Variants in CHRM3 observed in about 807,000 individuals in gnomAD.
CHRM3 encodes the protein cholinergic receptor muscarinic 3, also known as muscarinic acetylcholine receptor M3.
CHRM3 carries 11 observed loss-of-function variants against 41.8 expected under a neutral mutation model. The ratio of observed to expected loss-of-function variants is 0.26; its 90% confidence interval spans 0.17 to 0.44. The LOEUF (loss-of-function observed/expected upper bound fraction) is 0.44. CHRM3 is among the 20% of genes least tolerant of loss of function. CHRM3 has a pLI of 1.00. For synonymous variants in CHRM3, 297 were observed against 301.4 expected, an observed-to-expected ratio of 0.99 and a Z score of 0.15; for missense variants, 571 against 745.4, an observed-to-expected ratio of 0.77 and a Z score of 2.72.
chr1:239,903,229 T>C (rs1373237480), intron 6 of CHRM3, among the ~76,000 whole-genome samples: 1 of 152,216 alleles, frequency 6.6e-6, no homozygotes, highest in African/African-American at 2.4e-5. Context: ...CAACTGACCT[T>C]AGGCTAATTT....
chr1:239,554,509 G>GA (rs1446061861), intron 3 of CHRM3, among the ~76,000 whole-genome samples: 1 of 151,702 alleles, frequency 6.6e-6, no homozygotes, highest in East Asian at 1.9e-4. Flanking sequence ...GAAAAAGAGT[G>GA]ATCATTAAAT....
intron 5 of CHRM3, among the ~76,000 whole-genome samples, chr1:239,751,798 C>T (rs73122555): frequency 0.013 from 1,929 of 152,100 alleles, 45 homozygotes; most frequent in African/African-American, 0.045. Flanking sequence ...TGATAAGATT[C>T]GTGGTGAATA....
chr1:239,695,756 GA>G lies in CHRM3; in HGVS notation c.-147+17477del, dbSNP rs1392714799. ...TTTAAACAATTGTTTTTAAGAGCCA[GA>G]AAAAAAAATTTTCATTAGTTTTGAA... On this transcript the variant is annotated intron_variant, in intron 5 of 6. Coordinates refer to ENST00000676153, the MANE Select transcript of CHRM3 (RefSeq NM_001375978.1). 3.3e-5 allele frequency among the ~76,000 whole-genome samples: 5 copies of G among 151,542 alleles called. No individual in the cohort carries two copies. In the East Asian group the frequency reaches 7.7e-4, roughly 23 times the overall value.
At chr1:239,719,925 A>G (rs1024763581) in intron 5 of CHRM3, among the ~76,000 whole-genome samples, 1 of 152,012 alleles carries the variant, frequency 6.6e-6, no homozygotes, top group African/African-American at 2.4e-5. Context: ...TTCCACAAAT[A>G]AAAGGACATT....
At chr1:239,536,855 A>G (rs1658253298) in intron 2 of CHRM3, among the ~76,000 whole-genome samples, 1 of 152,222 alleles carries the variant, frequency 6.6e-6, no homozygotes, top group East Asian at 1.9e-4. Flanking sequence ...TTGTAAGGGA[A>G]TAATTTTCAT....
intron 1 of CHRM3, among the ~76,000 whole-genome samples, chr1:239,404,728 A>ATATATT (rs778034884): frequency 3.1e-5 from 4 of 130,268 alleles, no homozygotes; most frequent in Non-Finnish European, 6.4e-5. Flanking sequence ...AAATATATAT[A>ATATATT]TATATATATA....
intron 3 of CHRM3, among the ~76,000 whole-genome samples, chr1:239,620,881 C>T (rs1414736717): frequency 6.6e-5 from 10 of 151,978 alleles, no homozygotes; most frequent in Non-Finnish European, 1.5e-4. Flanking sequence ...TATGCATAGT[C>T]GTATGAGTGG....
chr1:239,865,037 C>G (rs1348030257), intron 6 of CHRM3, among the ~76,000 whole-genome samples: 15 of 152,156 alleles, frequency 9.9e-5, no homozygotes, highest in Admixed American at 9.8e-4. Context: ...GAAGGCTGTA[C>G]CTCGCGGCAT....
At chr1:239,655,009 T>C (rs1672589553) in intron 4 of CHRM3, among the ~76,000 whole-genome samples, 1 of 152,260 alleles carries the variant, frequency 6.6e-6, no homozygotes, top group Admixed American at 6.5e-5. Context: ...ACGTTGTTCT[T>C]ACCAAGTTCC....
intron 5 of CHRM3, among the ~76,000 whole-genome samples, chr1:239,678,983 A>T (rs1028889527): frequency 1.3e-5 from 2 of 151,914 alleles, no homozygotes; most frequent in African/African-American, 4.8e-5. Flanking sequence ...ACTTACTTGG[A>T]TGAGCACTGT....
intron 6 of CHRM3, among the ~76,000 whole-genome samples, chr1:239,875,187 G>A (rs1677017382): frequency 6.6e-6 from 1 of 152,184 alleles, no homozygotes; most frequent in Non-Finnish European, 1.5e-5. Context: ...TAATACAACA[G>A]ACATGAATTC....
chr1:239,808,304 T>A (rs1670826637), intron 5 of CHRM3, among the ~76,000 whole-genome samples: 1 of 152,176 alleles, frequency 6.6e-6, no homozygotes, highest in South Asian at 2.1e-4. Flanking sequence ...AGTAAATCAG[T>A]ACAGCTCTGA....
chr1:239,460,666 G>A (rs1050175509), intron 1 of CHRM3, among the ~76,000 whole-genome samples: 28 of 151,836 alleles, frequency 1.8e-4, no homozygotes, highest in African/African-American at 4.1e-4. Flanking sequence ...AGTACAACAC[G>A]GTAAGATTAA....
intron 4 of CHRM3, among the ~76,000 whole-genome samples, chr1:239,633,577 C>CT (rs1043745097): frequency 1.3e-5 from 2 of 152,134 alleles, no homozygotes; most frequent in Non-Finnish European, 2.9e-5. Context: ...TTCCCAGACT[C>CT]TTTTTTCTGT....
chr1:239,449,409 A>G (rs973904154), intron 1 of CHRM3, among the ~76,000 whole-genome samples: 2 of 152,202 alleles, frequency 1.3e-5, no homozygotes. Flanking sequence ...GACTGGAACA[A>G]TACAATCCAA....
At chr1:239,473,096 T>G (rs895562568) in intron 1 of CHRM3, among the ~76,000 whole-genome samples, 2 of 151,968 alleles carry the variant, frequency 1.3e-5, no homozygotes, top group African/African-American at 2.4e-5. Flanking sequence ...ATAAAATTAG[T>G]CCATTTCCTC....
At chr1:239,861,446 G>T (rs1050718824) in intron 6 of CHRM3, among the ~76,000 whole-genome samples, 1 of 151,964 alleles carries the variant, frequency 6.6e-6, no homozygotes, top group Admixed American at 6.6e-5. Context: ...CAGACGATAT[G>T]GTAAAAAAGA....
At chr1:239,780,456 T>G (rs1668428430) in intron 5 of CHRM3, among the ~76,000 whole-genome samples, 1 of 152,174 alleles carries the variant, frequency 6.6e-6, no homozygotes, top group Non-Finnish European at 1.5e-5. Flanking sequence ...CTTTGACCAT[T>G]TTTTAATCAG....
intron 5 of CHRM3, among the ~76,000 whole-genome samples, chr1:239,822,975 C>T (rs1279354807): frequency 6.6e-6 from 1 of 152,020 alleles, no homozygotes; most frequent in African/African-American, 2.4e-5. Flanking sequence ...AGACTAAAAC[C>T]CTGGTCTTCA....
Sources: gnomAD v4.1 joint callset for allele counts (sites outside exome capture counted in the v4.1 genomes callset) on GRCh38, gnomAD v4.1.1 for gene constraint, MANE v1.5 for transcripts, NCBI Gene and HGNC (gene_info 2026-07-23, HGNC 2026-07-21) for gene names.